Variants in DSCAM observed in about 807,000 individuals in gnomAD.
DSCAM encodes DS cell adhesion molecule.
A neutral mutation model predicts 217.7 loss-of-function variants in DSCAM; 47 were observed. The observed-to-expected ratio is 0.22, with a 90% CI of 0.17 to 0.28. DSCAM has a LOEUF of 0.28. Ranked by LOEUF, DSCAM falls within the 10% of genes least tolerant of loss-of-function variation. The pLI, the probability that DSCAM is intolerant of heterozygous loss-of-function variation, is 1.00. For missense variants in DSCAM, 2,080 were observed against 2,618.3 expected, an observed-to-expected ratio of 0.79 and a Z score of 4.49; for synonymous variants, 1,056 against 1,015.3, an observed-to-expected ratio of 1.04 and a Z score of -0.76.
intron 9 of DSCAM, among the ~76,000 whole-genome samples, chr21:40,301,462 G>C (rs972008538): frequency 6.6e-6 from 1 of 152,132 alleles, no homozygotes; most frequent in African/African-American, 2.4e-5. Flanking sequence ...CTTCACACAG[G>C]CTTCTTCATG....
intron 3 of DSCAM, among the ~76,000 whole-genome samples, chr21:40,648,250 T>TACACACACACACACAC (rs10639388): frequency 3.4e-5 from 5 of 145,802 alleles, no homozygotes; most frequent in African/African-American, 7.6e-5. Flanking sequence ...CATATCCCTG[T>TACACACACACACACAC]ACACACACAC....
At chr21:40,130,276 T>C (rs755215675) in intron 19 of DSCAM, among the ~76,000 whole-genome samples, 1 of 152,204 alleles carries the variant, frequency 6.6e-6, no homozygotes, top group Non-Finnish European at 1.5e-5. Flanking sequence ...ATTTCACAAC[T>C]GTTTTTAGAA....
intron 3 of DSCAM, among the ~76,000 whole-genome samples, chr21:40,453,340 T>C (rs1382845288): frequency 6.6e-6 from 1 of 152,108 alleles, no homozygotes; most frequent in Non-Finnish European, 1.5e-5. Flanking sequence ...TAGCATGACA[T>C]AAAATTCCAT....
chr21:40,454,444 C>T (rs747622640), intron 3 of DSCAM, among the ~76,000 whole-genome samples: 2 of 152,136 alleles, frequency 1.3e-5, no homozygotes, highest in Admixed American at 6.5e-5. Context: ...TTTTCAATTA[C>T]CCAATTTTCC....
intron 1 of DSCAM, among the ~76,000 whole-genome samples, chr21:40,814,042 T>C (rs1300544921): frequency 6.6e-6 from 1 of 152,210 alleles, no homozygotes; most frequent in Non-Finnish European, 1.5e-5. Context: ...AGTTTTCCAG[T>C]GGTCATCAAT....
At chr21:40,449,737 T>C (rs1048961356) in intron 3 of DSCAM, among the ~76,000 whole-genome samples, 1 of 152,212 alleles carries the variant, frequency 6.6e-6, no homozygotes, top group Non-Finnish European at 1.5e-5. Flanking sequence ...AGCTAACATC[T>C]ATATATCTTT....
intron 3 of DSCAM, among the ~76,000 whole-genome samples, chr21:40,558,134 A>G (rs988812663): frequency 2.6e-5 from 4 of 152,164 alleles, no homozygotes; most frequent in African/African-American, 9.7e-5. Context: ...ACTTTCCATC[A>G]CATATTTCTA....
At chr21:40,642,917 C>A (rs747897404) in intron 3 of DSCAM, among the ~76,000 whole-genome samples, 12 of 152,126 alleles carry the variant, frequency 7.9e-5, no homozygotes, top group Non-Finnish European at 1.6e-4. Flanking sequence ...GAGGGCCTCC[C>A]AGGAGACCCA....
At chr21:40,023,230 C>T (rs1225922226) in intron 32 of DSCAM, among the ~76,000 whole-genome samples, 2 of 152,090 alleles carry the variant, frequency 1.3e-5, no homozygotes, top group South Asian at 2.1e-4. Flanking sequence ...GCATAGTGTT[C>T]CATGGTGTAT....
chr21:40,270,639 T>C (rs2123361564), intron 11 of DSCAM, among the ~76,000 whole-genome samples: 1 of 152,294 alleles, frequency 6.6e-6, no homozygotes, highest in East Asian at 1.9e-4. Flanking sequence ...AATTCCAGTG[T>C]TGGAAGAGGG....
intron 32 of DSCAM, among the ~76,000 whole-genome samples, chr21:40,028,725 AC>A (rs2088450959): frequency 1.3e-5 from 2 of 152,004 alleles, no homozygotes; most frequent in East Asian, 3.9e-4. Flanking sequence ...CAGTGTGCGC[AC>A]CCACTGTCTG....
At chr21:40,503,090 T>G (rs1489442729) in intron 3 of DSCAM, among the ~76,000 whole-genome samples, 2 of 152,162 alleles carry the variant, frequency 1.3e-5, no homozygotes, top group Non-Finnish European at 2.9e-5. Flanking sequence ...GCATATGTTC[T>G]CTTTACTTCC....
At chr21:40,765,367 C>T (rs182629812) in intron 1 of DSCAM, among the ~76,000 whole-genome samples, 3 of 133,120 alleles carry the variant, frequency 2.3e-5, no homozygotes, top group Non-Finnish European at 3.5e-5. Flanking sequence ...CCTCTGCTTC[C>T]GTGGGGCCTT....
At position 40,212,172 on chromosome 21, in the gene DSCAM, G is replaced by C. The variant is rs181680846; in HGVS notation, c.2357-22934C>G. Among the ~76,000 whole-genome samples, 52 of 152,106 alleles carry C rather than the reference G, an allele frequency of 3.4e-4. 1 individual carries two copies. In the East Asian group the frequency reaches 0.01, roughly 29 times the overall value. On this transcript the variant is annotated intron_variant, in intron 11 of 32. Transcript: ENST00000400454. ...TTTAGTAGAGACAGGGTTTCTCTGT[G>C]TTGGCCAGGCTGATCTCGAATTCCT...
chr21:40,702,141 A>G (rs2090663300), intron 2 of DSCAM, among the ~76,000 whole-genome samples: 1 of 152,106 alleles, frequency 6.6e-6, no homozygotes, highest in African/African-American at 2.4e-5. Context: ...TACAATAGTC[A>G]TATCCTCTTC....
At chr21:40,340,832 A>T (rs2074483272) in intron 6 of DSCAM, among the ~76,000 whole-genome samples, 1 of 152,336 alleles carries the variant, frequency 6.6e-6, no homozygotes, top group South Asian at 2.1e-4. Context: ...CATCAGGGAA[A>T]GGTGACAGTT....
chr21:40,796,832 G>A (rs904712021), intron 1 of DSCAM, among the ~76,000 whole-genome samples: 2 of 152,156 alleles, frequency 1.3e-5, no homozygotes, highest in African/African-American at 4.8e-5. Context: ...AGATCAAAGA[G>A]CTATGAATTA....
intron 3 of DSCAM, among the ~76,000 whole-genome samples, chr21:40,508,761 ATATATATATATATATATATATATTTTTTT>A (rs2076232753): frequency 1.9e-4 from 1 of 5,242 alleles, no homozygotes; most frequent in African/African-American, 5.9e-4. Flanking sequence ...ATATATATAT[ATATATATATATATATATATATATTTTTTT>A]TTTTTTTTTT....
At chr21:40,632,879 C>G (rs1601807113) in intron 3 of DSCAM, among the ~76,000 whole-genome samples, 1 of 152,192 alleles carries the variant, frequency 6.6e-6, no homozygotes, top group Non-Finnish European at 1.5e-5. Context: ...CCTTTGCACA[C>G]TATGACACCA....
Sources: allele counts gnomAD v4.1 joint callset (sites outside exome capture counted in the v4.1 genomes callset), GRCh38; gene constraint gnomAD v4.1.1; transcripts MANE v1.5; gene names NCBI Gene and HGNC (gene_info 2026-07-23, HGNC 2026-07-21).